Variants in OPRL1 observed in about 807,000 individuals in gnomAD.
The protein encoded by OPRL1 is nociceptin receptor.
Under a neutral mutation model 15.5 loss-of-function variants are expected in OPRL1, and 5 were observed. The ratio of observed to expected loss-of-function variants is 0.32; its 90% CI spans 0.17 to 0.68. OPRL1 has a LOEUF of 0.68. Ranked by LOEUF, OPRL1 falls within the 30% of genes least tolerant of loss-of-function variation. The probability of loss-of-function intolerance (pLI) is 0.72; values close to 1 mark genes in which losing one functional copy is unlikely to be tolerated. For synonymous variants in OPRL1, 223 were observed against 230.2 expected (o/e 0.97, Z 0.28); for missense variants, 406 against 515.3 (o/e 0.79, Z 2.05).
intron 1 of OPRL1, chr20:64,084,413 C>T (rs1910942395): frequency 7.9e-7 from 1 of 1,267,046 alleles, no homozygotes. Flanking sequence ...CGCACGTCCC[C>T]AGCAGCTCTG....
intron 1 of OPRL1, among the ~76,000 whole-genome samples, chr20:64,080,965 T>A (rs931015166): frequency 6.6e-6 from 1 of 152,090 alleles, no homozygotes; most frequent in African/African-American, 2.4e-5. Context: ...AGTATCAGTA[T>A]CTGGGTGCCC....
rs895479420 is a variant in OPRL1, at chr20:64,090,409, C to T, written c.-184-1557C>T. 2.6e-5 allele frequency among the ~76,000 whole-genome samples: 4 copies of T among 152,204 alleles called. No homozygotes were observed. The highest frequency in any genetic ancestry group is 9.6e-5 in the African/African-American group (4 of 41,458). The stretch of plus-strand genomic sequence containing the variant: ...GTCCTGGGGCATCTGCCTGTTCCGT[C>T]CTCTCCTGATTTGCCAGGTATCCTA... On this transcript the variant is annotated intron_variant, in intron 1 of 4. Transcript: ENST00000336866. This position sits in a 1 kb window ranked among gnomAD's most constrained non-coding sequence, Gnocchi z 4.9.
rs760977529 is a variant in OPRL1, at chr20:64,098,464, C to T, written c.778C>T (p.Arg260Cys). 1.3e-5 allele frequency: 21 copies of T among 1,613,258 alleles called. No homozygotes were observed. The highest frequency in any genetic ancestry group is 1.6e-4 in the Middle Eastern group (1 of 6,084). ...GSREKDRNLR[R>C]ITRLVLVVVA... The stretch of plus-strand genomic sequence containing the variant: ...CCGAGAGAAGGACCGGAACCTGCGG[C>T]GCATCACTCGGCTGGTGCTGGTGGT... The change falls in exon 5 of 5, where the codon CGC becomes TGC. Residue 260 changes from arginine (R) to cysteine (C), a missense_variant. Coordinates refer to ENST00000336866, the MANE Select transcript of OPRL1 (RefSeq NM_182647.4).
chr20:64,083,103 C>CT lies in OPRL1; in HGVS notation c.-185+2752dup, dbSNP rs1213757816. 1.5e-4 allele frequency among the ~76,000 whole-genome samples: 23 copies of CT among 152,198 alleles called. No homozygotes were observed. The highest frequency in any genetic ancestry group is 2.5e-4 in the Non-Finnish European group (17 of 68,030). On this transcript the variant is annotated intron_variant, in intron 1 of 4. Coordinates refer to ENST00000336866, the MANE Select transcript of OPRL1 (RefSeq NM_182647.4). This position sits in a 1 kb window ranked among gnomAD's most constrained non-coding sequence, Gnocchi z 4.9. The stretch of plus-strand genomic sequence containing the variant: ...CCCTTACATCTGGGGGTGACTTCTG[C>CT]TGAAACAGGCTCTTTCTCCGTCCTC...
At position 64,100,489 on chromosome 20, in the gene OPRL1, T is replaced by C. The variant is rs1263077788; in HGVS notation, c.*1690T>C. On this transcript the variant is annotated 3_prime_UTR_variant, in exon 5 of 5. Transcript: ENST00000336866. ...CAGTTTTCTTGCCAAGGCGAGGTGTTTTGTGAATCTGTGCTGATGTAATGT... is the reference window on the plus strand; with the variant it reads ...CAGTTTTCTTGCCAAGGCGAGGTGTCTTGTGAATCTGTGCTGATGTAATGT... 1 of 152,224 alleles carries C rather than the reference T, an allele frequency of 6.6e-6. No homozygotes were observed. The highest frequency in any genetic ancestry group is 2.4e-5 in the African/African-American group (1 of 41,434). The allele number at this position is 152,224 out of a possible 1,614,324, so 9.4% of individuals were successfully genotyped here.
intron 1 of OPRL1, among the ~76,000 whole-genome samples, chr20:64,081,031 T>G (rs2059961122): frequency 6.7e-6 from 1 of 150,058 alleles, no homozygotes; most frequent in South Asian, 2.1e-4. Context: ...CTGGATCTTA[T>G]GCTGGGGGGC....
rs2059993130 is a variant in OPRL1, at chr20:64,083,502, G to C, written c.-185+3150G>C. 1 of 1,587,328 alleles carries C rather than the reference G, an allele frequency of 6.3e-7. No homozygotes were observed. The highest frequency in any genetic ancestry group is 8.6e-7 in the Non-Finnish European group (1 of 1,168,090). The stretch of plus-strand genomic sequence containing the variant: ...GGTCTCCACGCGCCTCCGCTGCCGG[G>C]GAGAGAGGCTGGGGTCCGGCGTGTG... On this transcript the variant is annotated intron_variant, in intron 1 of 4. Coordinates refer to ENST00000336866, the MANE Select transcript of OPRL1 (RefSeq NM_182647.4). The surrounding 1 kb of genome is among the most constrained non-coding windows in gnomAD (Gnocchi z 4.9).
At chr20:64,087,727 G>T (rs996267954) in intron 1 of OPRL1, among the ~76,000 whole-genome samples, 9 of 152,258 alleles carry the variant, frequency 5.9e-5, no homozygotes, top group African/African-American at 2.2e-4. Flanking sequence ...GTGTGTTTGA[G>T]GTTGTCTTGC....
In OPRL1 at chr20:64,080,254, T is replaced by C. The variant is rs2059952100; in HGVS notation, c.-283T>C. 6.6e-6 allele frequency: 1 copy of C among 152,300 alleles called. No individual in the cohort carries two copies. Among genetic ancestry groups the C allele is most frequent in the African/African-American group, 2.4e-5 (1 of 41,458 alleles). The allele number at this position is 152,300 out of a possible 1,614,324, so 9.4% of individuals were successfully genotyped here. A position where few individuals can be genotyped will look rare whatever the true frequency, so the allele number is the denominator to read the frequency against. On this transcript the variant is annotated 5_prime_UTR_variant, in exon 1 of 5. Coordinates refer to ENST00000336866, the MANE Select transcript of OPRL1 (RefSeq NM_182647.4). The stretch of plus-strand genomic sequence containing the variant: ...GGGGCCGTTCCTGCTTTGCCATCCG[T>C]GTGGGACTTCCACGACAGTGGAGGC...
chr20:64,096,768 CTTCA>C lies in OPRL1; in HGVS notation c.234-1031_234-1028del, dbSNP rs568366502. Among the ~76,000 whole-genome samples the C allele has an allele frequency of 3.0e-3, 454 of 151,914 alleles. 6 individuals carry two copies. The highest frequency in any genetic ancestry group is 0.027 in the Middle Eastern group (8 of 294). ...TCACCACTATCACCACCACCAGCACCTTCATTATCACATTCACCATCCTCACCAT... is the reference window on the plus strand; with the variant it reads ...TCACCACTATCACCACCACCAGCACCTTATCACATTCACCATCCTCACCAT... On this transcript the variant is annotated intron_variant, in intron 3 of 4. Coordinates refer to ENST00000336866, the MANE Select transcript of OPRL1 (RefSeq NM_182647.4).
In OPRL1 at chr20:64,089,991, C is replaced by T. The variant is rs116079253; in HGVS notation, c.-184-1975C>T. ...CTCCTGAGGTCAGGGGGCTCACCCT[C>T]GAGCTTTGCCTGGAGAGCGTGTTTG... On this transcript the variant is annotated intron_variant, in intron 1 of 4. Transcript: ENST00000336866. This position sits in a 1 kb window ranked among gnomAD's most constrained non-coding sequence, Gnocchi z 5.5. Among the ~76,000 whole-genome samples the T allele has an allele frequency of 6.2e-3, 952 of 152,332 alleles. 6 individuals carry two copies. Among genetic ancestry groups the T allele is most frequent in the African/African-American group, 0.02 (850 of 41,560 alleles).
Position 64,098,533 on chromosome 20 carries a change from G to A in OPRL1, c.847G>A (p.Val283Met), listed in dbSNP as rs1475503040. The A allele has an allele frequency of 1.9e-6, 3 of 1,612,702 alleles. No homozygotes were observed. Among genetic ancestry groups the A allele is most frequent in the Non-Finnish European group, 1.7e-6 (2 of 1,180,012 alleles). ...CTGCTGGACGCCTGTCCAGGTCTTC[G>A]TGCTGGCCCAAGGGCTGGGGGTTCA... ...VGCWTPVQVF[V>M]LAQGLGVQPS... is the part of the protein sequence containing the mutation. Residue 283 changes from valine (V) to methionine (M), a missense_variant, in exon 5 of 5, where the codon GTG becomes ATG. Physicochemically the swap from Val to Met is conservative, Grantham distance 21. Transcript: ENST00000336866.
rs1372863025 is a variant in OPRL1, at chr20:64,099,855, A to G, written c.*1056A>G. ...CCCCTCACAGCCTCTCCTTTGCTTG[A>G]AGCCAGAGGTCAGTGGCCGTGCTGT... On this transcript the variant is annotated 3_prime_UTR_variant, in exon 5 of 5. Coordinates refer to ENST00000336866, the MANE Select transcript of OPRL1 (RefSeq NM_182647.4). 5 of 152,328 alleles carry G rather than the reference A, an allele frequency of 3.3e-5. No homozygotes were observed. Among genetic ancestry groups the G allele is most frequent in the Admixed American group, 2.0e-4 (3 of 15,276 alleles). The allele number at this position is 152,328 out of a possible 1,614,324, so 9.4% of individuals were successfully genotyped here.
Position 64,083,537 on chromosome 20 carries a change from G to T in OPRL1, c.-185+3185G>T. The T allele has an allele frequency of 6.4e-7, 1 of 1,550,416 alleles. No individual in the cohort carries two copies. Among genetic ancestry groups the T allele is most frequent in the Non-Finnish European group, 8.7e-7 (1 of 1,147,470 alleles). ...TGGGGTCCGGCGTGTGCGGAGGCGG[G>T]CAGGGCCCCTCCCCTTTCCCCGCCC... On this transcript the variant is annotated intron_variant, in intron 1 of 4. Coordinates refer to ENST00000336866, the MANE Select transcript of OPRL1 (RefSeq NM_182647.4). This position sits in a 1 kb window ranked among gnomAD's most constrained non-coding sequence, Gnocchi z 4.9.
intron 1 of OPRL1, among the ~76,000 whole-genome samples, chr20:64,082,580 C>T (rs1442912758): frequency 1.3e-5 from 2 of 152,110 alleles, no homozygotes; most frequent in Non-Finnish European, 2.9e-5. Flanking sequence ...TCCTGCGGTC[C>T]CGCTTCTGTG....
Position 64,099,250 on chromosome 20 carries a change from G to A in OPRL1, c.*451G>A. The A allele has an allele frequency of 5.4e-6, 1 of 183,628 alleles. No homozygotes were observed. The highest frequency in any genetic ancestry group is 1.1e-5 in the Non-Finnish European group (1 of 88,578). The allele number at this position is 183,628 out of a possible 1,614,324, so 11.4% of individuals were successfully genotyped here. A position where few individuals can be genotyped will look rare whatever the true frequency, so the allele number is the denominator to read the frequency against. The stretch of plus-strand genomic sequence containing the variant: ...ATCCTGTGCCCCCCATGTGCTGTGT[G>A]CTGTTTGCATGGCAGGGCTCCAGCT... On this transcript the variant is annotated 3_prime_UTR_variant, in exon 5 of 5. Coordinates refer to ENST00000336866, the MANE Select transcript of OPRL1 (RefSeq NM_182647.4).
chr20:64,093,164 GCCCACCGCGCTCTGTC>G (rs2145601992), intron 3 of OPRL1, among the ~76,000 whole-genome samples: 1 of 150,800 alleles, frequency 6.6e-6, no homozygotes, highest in South Asian at 2.1e-4. Context: ...GCTGGCCCTG[GCCCACCGCGCTCTGTC>G]CCAGGCAGAG....
chr20:64,092,943 G>C lies in OPRL1; in HGVS notation c.223G>C (p.Val75Leu). The C allele has an allele frequency of 6.2e-7, 1 of 1,612,100 alleles. No homozygotes were observed. Among genetic ancestry groups the C allele is most frequent in the Non-Finnish European group, 8.5e-7 (1 of 1,179,430 alleles). Reference sequence around the variant, plus strand: ...CCTGGGGAACTGCCTTGTCATGTACGTCATCCTCAGGTAGGCTGGGCCCCA... The same window carrying C: ...CCTGGGGAACTGCCTTGTCATGTACCTCATCCTCAGGTAGGCTGGGCCCCA... ...GLLGNCLVMY[V>L]ILRHTKMKTA... The change falls in exon 3 of 5, where the codon GTC (valine) becomes CTC (leucine). Residue 75 changes from valine to leucine, a missense_variant. Physicochemically the swap from Val to Leu is conservative, Grantham distance 32. Transcript: ENST00000336866.
At position 64,092,776 on chromosome 20, in the gene OPRL1, A is replaced by G. The variant is rs995514462; in HGVS notation, c.56A>G (p.Gln19Arg). 6.2e-7 allele frequency: 1 copy of G among 1,612,602 alleles called. No homozygotes were observed. Among genetic ancestry groups the G allele is most frequent in the Non-Finnish European group, 8.5e-7 (1 of 1,179,930 alleles). Residue 19 changes from glutamine to arginine, a missense_variant, in exon 3 of 5, where the codon CAG becomes CGG. By Grantham distance (43) the Gln-to-Arg change is conservative. Coordinates refer to ENST00000336866, the MANE Select transcript of OPRL1 (RefSeq NM_182647.4). ...GAGGTTATCTACGGCAGCCACCTTC[A>G]GGGCAACCTGTCCCTCCTGAGCCCC... Reference protein sequence around the residue: ...FWEVIYGSHLQGNLSLLSPNH... With the variant: ...FWEVIYGSHLRGNLSLLSPNH...
Sources: allele counts gnomAD v4.1 joint callset (sites outside exome capture counted in the v4.1 genomes callset), GRCh38; gene constraint gnomAD v4.1.1; non-coding constraint Gnocchi (gnomAD v3.1); transcripts MANE v1.5; gene names NCBI Gene and HGNC (gene_info 2026-07-23, HGNC 2026-07-21).